ADAM29: variants seen among roughly 807,000 people sequenced by gnomAD.
ADAM29 encodes disintegrin and metalloproteinase domain-containing protein 29.
For synonymous variants in ADAM29, 367 were observed against 342.3 expected, an observed-to-expected ratio of 1.07 and a Z score of -0.80; for missense variants, 969 against 1,001.8, an observed-to-expected ratio of 0.97 and a Z score of 0.44.
intron 4 of ADAM29, among the ~76,000 whole-genome samples, chr4:174,960,174 A>G (rs1216223135): frequency 1.3e-5 from 2 of 152,000 alleles, no homozygotes. Context: ...TGATATTGAT[A>G]ATTTTTTGCT....
rs1746827348 is a variant in ADAM29 at position 174,976,673 on chromosome 4, A to C, written c.1148A>C (p.Lys383Thr). 6.2e-7 allele frequency: 1 copy of C among 1,614,000 alleles called. No homozygotes were observed. The highest frequency in any genetic ancestry group is 1.1e-5 in the South Asian group (1 of 91,038). ...DFWEYTVERT[K>T]CLLETVHTKD... ...TGGGAATATACTGTAGAGAGGACAA[A>C]GTGTTTGCTTGAAACAGTACACACA... Residue 383 changes from lysine to threonine, a missense_variant, in exon 5 of 5, where the codon AAG becomes ACG. Transcript: ENST00000359240.
chr4:174,927,899 G>A (rs1474195057), intron 2 of ADAM29, among the ~76,000 whole-genome samples: 1 of 152,106 alleles, frequency 6.6e-6, no homozygotes, highest in Non-Finnish European at 1.5e-5. Flanking sequence ...GGTATTATTG[G>A]AGGGACATGC....
chr4:174,945,655 G>A (rs373660353), intron 4 of ADAM29, among the ~76,000 whole-genome samples: 5 of 152,190 alleles, frequency 3.3e-5, no homozygotes, highest in African/African-American at 9.6e-5. Flanking sequence ...AGTTTATCTC[G>A]AGTTGATTTT....
intron 4 of ADAM29, among the ~76,000 whole-genome samples, chr4:174,956,771 C>T (rs963228964): frequency 6.6e-6 from 1 of 151,770 alleles, no homozygotes; most frequent in African/African-American, 2.4e-5. Flanking sequence ...AGGTAATTAG[C>T]CTAGGATATC....
intron 1 of ADAM29, among the ~76,000 whole-genome samples, chr4:174,920,014 A>T (rs1402083593): frequency 6.6e-6 from 1 of 152,184 alleles, no homozygotes; most frequent in Non-Finnish European, 1.5e-5. Context: ...TTATCTGAGA[A>T]TTTATGCATA....
chr4:174,951,920 G>C (rs894603912), intron 4 of ADAM29, among the ~76,000 whole-genome samples: 30 of 152,216 alleles, frequency 2.0e-4, no homozygotes, highest in African/African-American at 7.2e-4. Context: ...AGATAGATAA[G>C]AGCAATTAGT....
intron 4 of ADAM29, among the ~76,000 whole-genome samples, chr4:174,963,786 G>A (rs201568026): frequency 9.3e-5 from 13 of 140,460 alleles, no homozygotes; most frequent in South Asian, 2.3e-4. Context: ...GGGTTCAAGC[G>A]ATTCTCCTGC....
intron 4 of ADAM29, among the ~76,000 whole-genome samples, chr4:174,947,315 T>A (rs1333236346): frequency 6.6e-6 from 1 of 152,166 alleles, no homozygotes; most frequent in Non-Finnish European, 1.5e-5. Context: ...TGCTATTATT[T>A]TCCTAGTTCC....
intron 4 of ADAM29, among the ~76,000 whole-genome samples, chr4:174,942,394 C>T (rs530974279): frequency 6.2e-4 from 94 of 152,308 alleles, no homozygotes; most frequent in African/African-American, 2.1e-3. Context: ...GCCTGGACAT[C>T]GGGACATTTC....
At position 174,976,743 on chromosome 4, in the gene ADAM29, A is replaced by G; in HGVS notation, c.1218A>G (p.Glu406=). The G allele has an allele frequency of 6.2e-7, 1 of 1,613,958 alleles. No individual in the cohort carries two copies. The highest frequency in any genetic ancestry group is 8.5e-7 in the Non-Finnish European group (1 of 1,179,884). ...AGCGCTGTGGGAATGGTGTTGTTGA[A>G]GAAGGAGAAGAGTGTGACTGTGGAC... ...NVKRCGNGVV[E]EGEECDCGPL... Residue 406 remains glutamate, a synonymous_variant, in exon 5 of 5, where the codon GAA becomes GAG. Transcript: ENST00000359240.
intron 4 of ADAM29, among the ~76,000 whole-genome samples, chr4:174,963,153 A>G (rs1238409227): frequency 6.6e-6 from 1 of 152,210 alleles, no homozygotes; most frequent in Non-Finnish European, 1.5e-5. Context: ...GAAAAAAAAT[A>G]TAAATGCAAC....
chr4:174,974,467 G>A (rs1234742511), intron 4 of ADAM29, among the ~76,000 whole-genome samples: 1 of 152,098 alleles, frequency 6.6e-6, no homozygotes, highest in African/African-American at 2.4e-5. Context: ...AGTTTTCAGA[G>A]TCTTTTTGTT....
chr4:174,940,361 C>A (rs984136446), intron 4 of ADAM29, among the ~76,000 whole-genome samples: 1 of 151,946 alleles, frequency 6.6e-6, no homozygotes, highest in African/African-American at 2.4e-5. Flanking sequence ...TAGACAAAAC[C>A]GCAATGTTAA....
intron 4 of ADAM29, among the ~76,000 whole-genome samples, chr4:174,942,072 T>C (rs1165443248): frequency 1.3e-5 from 2 of 152,204 alleles, no homozygotes; most frequent in East Asian, 3.9e-4. Context: ...ATGTCTCACA[T>C]CAAGGGCATG....
At chr4:174,934,634 C>T (rs1449886333) in intron 3 of ADAM29, among the ~76,000 whole-genome samples, 2 of 152,090 alleles carry the variant, frequency 1.3e-5, no homozygotes, top group Non-Finnish European at 2.9e-5. Context: ...AGCCACATGT[C>T]TGTTGTGATA....
intron 4 of ADAM29, among the ~76,000 whole-genome samples, chr4:174,937,996 T>A (rs985340624): frequency 6.6e-6 from 1 of 152,076 alleles, no homozygotes; most frequent in Non-Finnish European, 1.5e-5. Flanking sequence ...CATGGTCTCG[T>A]GACAATAATA....
chr4:174,977,429 T>G lies in ADAM29; in HGVS notation c.1904T>G (p.Ile635Ser). Residue 635 changes from isoleucine (I) to serine (S), a missense_variant, in exon 5 of 5, where the codon ATC (isoleucine) becomes AGC (serine). Transcript: ENST00000359240. Reference sequence around the variant, plus strand: ...CCTGCATTTTGTAACAAGAGGGGCATCTGCAACAATAAACATCACTGCCAT... The same window carrying G: ...CCTGCATTTTGTAACAAGAGGGGCAGCTGCAACAATAAACATCACTGCCAT... ...CSPAFCNKRG[I>S]CNNKHHCHCN... The G allele has an allele frequency of 6.2e-7, 1 of 1,613,916 alleles. No homozygotes were observed. Among genetic ancestry groups the G allele is most frequent in the Non-Finnish European group, 8.5e-7 (1 of 1,179,934 alleles).
Position 174,977,354 on chromosome 4 carries a change from G to C in ADAM29, c.1829G>C (p.Cys610Ser). 1 of 1,613,510 alleles carries C rather than the reference G, an allele frequency of 6.2e-7. No homozygotes were observed. The highest frequency in any genetic ancestry group is 8.5e-7 in the Non-Finnish European group (1 of 1,180,028). ...ACAGAGTGTGGGATAGATCATATAT[G>C]CATCCACAGGCACTGTGTCCATATA... ...DGTECGIDHI[C>S]IHRHCVHITI... Residue 610 changes from cysteine to serine, a missense_variant, in exon 5 of 5, where the codon TGC becomes TCC. Coordinates refer to ENST00000359240, the MANE Select transcript of ADAM29 (RefSeq NM_014269.4).
rs762159464 is a variant in ADAM29 at position 174,976,880 on chromosome 4, G to A, written c.1355G>A (p.Gly452Glu). 6.2e-7 allele frequency: 1 copy of A among 1,614,162 alleles called. No individual in the cohort carries two copies. Among genetic ancestry groups the A allele is most frequent in the Non-Finnish European group, 8.5e-7 (1 of 1,180,034 alleles). The change falls in exon 5 of 5, where the codon GGG (glycine) becomes GAG (glutamate). Residue 452 changes from glycine to glutamate, a missense_variant. Physicochemically the swap from Gly to Glu is moderately conservative, Grantham distance 98. Coordinates refer to ENST00000359240, the MANE Select transcript of ADAM29 (RefSeq NM_014269.4). ...AAAGACTGCAAGTTCCTACCATCAG[G>A]GAAAGTGTGTAGAAAGGAGGTCAAT... ...CCKDCKFLPSGKVCRKEVNEC... is the reference protein window; with the variant it reads ...CCKDCKFLPSEKVCRKEVNEC...
Sources: allele counts gnomAD v4.1 joint callset (sites outside exome capture counted in the v4.1 genomes callset), GRCh38; gene constraint gnomAD v4.1.1; transcripts MANE v1.5; gene names NCBI Gene and HGNC (gene_info 2026-07-23, HGNC 2026-07-21).